Variants in ZNF79 observed in about 807,000 individuals in gnomAD.
ZNF79 encodes the protein ZNFpT7.
ZNF79 carries 13 observed loss-of-function variants against 14.9 expected under a neutral mutation model. The observed-to-expected ratio is 0.87, with a 90% confidence interval of 0.57 to 1.38. ZNF79 has a LOEUF of 1.38. Among genes scored for constraint, ZNF79 ranks in the 40% most tolerant of loss-of-function variants. The probability of loss-of-function intolerance (pLI) is 0.00; values close to 1 mark genes in which losing one functional copy is unlikely to be tolerated. For missense variants in ZNF79, 631 were observed against 630.6 expected (o/e 1.00, Z -0.01); for synonymous variants, 223 against 235.1 (o/e 0.95, Z 0.47).
At chr9:127,434,580 CAGT>C (rs1215260916) in intron 2 of ZNF79, among the ~76,000 whole-genome samples, 3 of 152,104 alleles carry the variant, frequency 2.0e-5, no homozygotes, top group Non-Finnish European at 2.9e-5. Flanking sequence ...AGACAAGAGA[CAGT>C]GGTGTGTGTG....
chr9:127,441,328 A>T (rs969221433), intron 4 of ZNF79, among the ~76,000 whole-genome samples: 4 of 152,170 alleles, frequency 2.6e-5, no homozygotes, highest in Non-Finnish European at 5.9e-5. Flanking sequence ...CTGTGTCTCA[A>T]CTACCATTCT....
chr9:127,435,098 A>G lies in ZNF79; in HGVS notation c.114A>G (p.Thr38=). 1.2e-6 allele frequency: 2 copies of G among 1,609,274 alleles called. No individual in the cohort carries two copies. Among genetic ancestry groups the G allele is most frequent in the Non-Finnish European group, 1.7e-6 (2 of 1,177,990 alleles). ...TGTGCTTGTTTTTTCAGGGATCCAC[A>G]TTCTTCAGCAGTGTGACGGTAGCTT... is the stretch of plus-strand genomic sequence containing the variant. ...GLLTAGPRGS[T]FFSSVTVAFA... Residue 38 remains threonine (T), a synonymous_variant, in exon 3 of 5, where the codon ACA becomes ACG. Coordinates refer to ENST00000342483, the MANE Select transcript of ZNF79 (RefSeq NM_007135.3).
At chr9:127,430,596 A>G (rs1833843239) in intron 2 of ZNF79, among the ~76,000 whole-genome samples, 2 of 152,228 alleles carry the variant, frequency 1.3e-5, no homozygotes, top group Non-Finnish European at 2.9e-5. Flanking sequence ...TGCAAAGGAC[A>G]TGACTTCATT....
chr9:127,431,082 A>G (rs1261146418), intron 2 of ZNF79, among the ~76,000 whole-genome samples: 1 of 151,974 alleles, frequency 6.6e-6, no homozygotes, highest in Non-Finnish European at 1.5e-5. Context: ...TATGTCTCTT[A>G]AGTGTGTCTG....
intron 4 of ZNF79, among the ~76,000 whole-genome samples, chr9:127,436,595 T>A (rs1833951886): frequency 6.6e-6 from 1 of 152,258 alleles, no homozygotes; most frequent in Non-Finnish European, 1.5e-5. Flanking sequence ...CACGTACAGC[T>A]GCTCTCTCCC....
At chr9:127,433,843 T>A (rs558557135) in intron 2 of ZNF79, among the ~76,000 whole-genome samples, 1 of 152,296 alleles carries the variant, frequency 6.6e-6, no homozygotes, top group Non-Finnish European at 1.5e-5. Flanking sequence ...CATTCTCAGC[T>A]CTTCTCTCAC....
chr9:127,435,060 T>C, intron 2 of ZNF79, 30 bp from the exon 3 acceptor site: 1 of 1,594,214 alleles, frequency 6.3e-7, no homozygotes. Flanking sequence ...CTAAGGCCAC[T>C]GGCAAGATGA....
chr9:127,427,039 A>G (rs971481939), intron 1 of ZNF79, among the ~76,000 whole-genome samples: 3 of 152,064 alleles, frequency 2.0e-5, no homozygotes, highest in Non-Finnish European at 4.4e-5. Context: ...TTCCCCAATG[A>G]CTAATGATGT....
At position 127,444,381 on chromosome 9, in the gene ZNF79, G is replaced by A; in HGVS notation, c.681G>A (p.Gly227=). The part of the protein sequence containing the change: ...GEKPYECSEC[G]KAFSQSSSLI... ...AGCCCTATGAGTGCAGTGAATGTGGGAAGGCCTTCAGCCAGAGCTCATCTC... is the reference window on the plus strand; with the variant it reads ...AGCCCTATGAGTGCAGTGAATGTGGAAAGGCCTTCAGCCAGAGCTCATCTC... Residue 227 remains glycine (G), a synonymous_variant, in exon 5 of 5, where the codon GGG becomes GGA. Transcript: ENST00000342483. The A allele has an allele frequency of 6.2e-7, 1 of 1,612,566 alleles. No individual in the cohort carries two copies. Among genetic ancestry groups the A allele is most frequent in the South Asian group, 1.1e-5 (1 of 90,952 alleles).
At chr9:127,439,713 CA>C (rs1161569455) in intron 4 of ZNF79, among the ~76,000 whole-genome samples, 5 of 152,222 alleles carry the variant, frequency 3.3e-5, no homozygotes, top group African/African-American at 9.6e-5. Context: ...AATCATTCAT[CA>C]ATCAGCAAAT....
At chr9:127,428,965 T>A (rs186698438) in intron 2 of ZNF79, 45 bp downstream of exon 2, 2 of 1,317,276 alleles carry the variant, frequency 1.5e-6, no homozygotes, top group East Asian at 4.9e-5. Flanking sequence ...TCTTCCCCCC[T>A]AATACTAATG....
In ZNF79 at chr9:127,435,967, A is replaced by T. The variant is rs201410964; in HGVS notation, c.292A>T (p.Met98Leu). 2.0e-5 allele frequency: 32 copies of T among 1,614,252 alleles called. No individual in the cohort carries two copies. The South Asian group carries it at 3.0e-4, about 15-fold the overall frequency. Reference protein sequence around the residue: ...SQLEQREGAWMLEGEDLRSPS... With the variant: ...SQLEQREGAWLLEGEDLRSPS... ...GTTGGAACAAAGGGAAGGCGCATGG[A>T]TGCTGGAGGGCGAAGACCTGCGAAG... Residue 98 changes from methionine (M) to leucine (L), a missense_variant, in exon 4 of 5, where the codon ATG becomes TTG. Met to Leu is a conservative substitution (Grantham distance 15). Coordinates refer to ENST00000342483, the MANE Select transcript of ZNF79 (RefSeq NM_007135.3).
At chr9:127,441,748 A>T (rs1043925988) in intron 4 of ZNF79, among the ~76,000 whole-genome samples, 1 of 151,858 alleles carries the variant, frequency 6.6e-6, no homozygotes, top group East Asian at 2.0e-4. Context: ...GATCGAGACC[A>T]TCCTGGCTAA....
chr9:127,438,822 T>C (rs1833994857), intron 4 of ZNF79, among the ~76,000 whole-genome samples: 1 of 152,036 alleles, frequency 6.6e-6, no homozygotes, highest in African/African-American at 2.4e-5. Flanking sequence ...CAAAAGACTG[T>C]AGCAATGGCT....
At chr9:127,435,273 C>T (rs1029517977) in intron 3 of ZNF79, 57 bp downstream of exon 3, 66 of 1,529,710 alleles carry the variant, frequency 4.3e-5, no homozygotes, top group Non-Finnish European at 4.9e-5. Context: ...ATCTGTGGCA[C>T]TTGCTTTCCA....
At chr9:127,435,854 T>G in intron 3 of ZNF79, 54 bp from the exon 4 acceptor site, 1 of 1,437,462 alleles carries the variant, frequency 7.0e-7, no homozygotes, top group East Asian at 2.3e-5. Context: ...GAGTTCTGGG[T>G]GGCTGTTCAT....
chr9:127,426,787 GTA>G (rs1833763585), intron 1 of ZNF79, among the ~76,000 whole-genome samples: 1 of 152,148 alleles, frequency 6.6e-6, no homozygotes, highest in Non-Finnish European at 1.5e-5. Flanking sequence ...TTGTGTGTGT[GTA>G]TGTTTGATTT....
At chr9:127,430,601 T>C (rs1833843294) in intron 2 of ZNF79, among the ~76,000 whole-genome samples, 2 of 152,246 alleles carry the variant, frequency 1.3e-5, no homozygotes, top group Non-Finnish European at 2.9e-5. Flanking sequence ...AGGACATGAC[T>C]TCATTTTTTA....
chr9:127,436,382 A>G (rs1833948419), intron 4 of ZNF79, among the ~76,000 whole-genome samples: 1 of 152,156 alleles, frequency 6.6e-6, no homozygotes, highest in Non-Finnish European at 1.5e-5. Context: ...GGTCTCCCTC[A>G]CTGAGGATCC....
Sources: allele counts gnomAD v4.1 joint callset (sites outside exome capture counted in the v4.1 genomes callset), GRCh38; gene constraint gnomAD v4.1.1; transcripts MANE v1.5; gene names NCBI Gene and HGNC (gene_info 2026-07-23, HGNC 2026-07-21).